Variants in RYR3 observed in about 807,000 individuals in gnomAD.
The protein encoded by RYR3 is brain ryanodine receptor-calcium release channel.
RYR3 carries 207 observed loss-of-function variants against 584.3 expected under a neutral mutation model. The observed-to-expected ratio is 0.35, with a 90% CI of 0.32 to 0.40. RYR3 has a LOEUF of 0.40. Ranked by LOEUF, RYR3 falls within the 10% of genes least tolerant of loss-of-function variation. The pLI, the probability that RYR3 is intolerant of heterozygous loss-of-function variation, is 1.00. For synonymous variants in RYR3, 2,416 were observed against 2,248.5 expected (o/e 1.07, Z -2.11); for missense variants, 5,616 against 6,089.2 (o/e 0.92, Z 2.59).
chr15:33,375,135 T>C (rs1452475006), intron 1 of RYR3, among the ~76,000 whole-genome samples: 1 of 152,176 alleles, frequency 6.6e-6, no homozygotes, highest in African/African-American at 2.4e-5. Flanking sequence ...TAAGGATAAA[T>C]TGCAAAATTT....
intron 51 of RYR3, among the ~76,000 whole-genome samples, chr15:33,741,774 C>T (rs1310664211): frequency 1.3e-5 from 2 of 152,026 alleles, no homozygotes; most frequent in African/African-American, 2.4e-5. Flanking sequence ...CCACTACGCC[C>T]GGCTAATTTT....
At chr15:33,745,976 C>T in intron 52 of RYR3, 92 bp from the exon 53 acceptor site, 2 of 831,116 alleles carry the variant, frequency 2.4e-6, no homozygotes. Flanking sequence ...TCCATTACTC[C>T]ACTTGCTCCA....
chr15:33,531,273 G>A (rs1456289655), intron 4 of RYR3, among the ~76,000 whole-genome samples: 1 of 151,954 alleles, frequency 6.6e-6, no homozygotes, highest in Non-Finnish European at 1.5e-5. Flanking sequence ...GAAGGATGAT[G>A]CCTCAATGTA....
intron 1 of RYR3, among the ~76,000 whole-genome samples, chr15:33,430,861 C>G (rs1418123577): frequency 6.6e-6 from 1 of 152,166 alleles, no homozygotes; most frequent in African/African-American, 2.4e-5. Flanking sequence ...TGAGAGATGT[C>G]TGGCAGGCCC....
chr15:33,811,346 A>C (rs914469758), intron 72 of RYR3, among the ~76,000 whole-genome samples: 4 of 152,074 alleles, frequency 2.6e-5, no homozygotes, highest in Non-Finnish European at 4.4e-5. Flanking sequence ...TGTACTAAAA[A>C]TACAAAAAGT....
intron 5 of RYR3, among the ~76,000 whole-genome samples, chr15:33,538,277 T>C (rs2055506193): frequency 6.6e-6 from 1 of 152,116 alleles, no homozygotes; most frequent in Non-Finnish European, 1.5e-5. Flanking sequence ...TGAGGCTTGT[T>C]GTCTGTTAAG....
At chr15:33,413,901 CTTAGTGGCTATT>C (rs1368386426) in intron 1 of RYR3, among the ~76,000 whole-genome samples, 1 of 152,152 alleles carries the variant, frequency 6.6e-6, no homozygotes, top group Non-Finnish European at 1.5e-5. Context: ...TGAAAAAGCT[CTTAGTGGCTATT>C]TTTGCAAAGT....
chr15:33,418,090 T>G (rs2043953530), intron 1 of RYR3, among the ~76,000 whole-genome samples: 1 of 152,170 alleles, frequency 6.6e-6, no homozygotes, highest in Admixed American at 6.5e-5. Context: ...TGTTAATGAT[T>G]TTTGTGTCTA....
At chr15:33,317,478 CAG>C (rs1968355489) in intron 1 of RYR3, among the ~76,000 whole-genome samples, 1 of 152,040 alleles carries the variant, frequency 6.6e-6, no homozygotes, top group Admixed American at 6.5e-5. Flanking sequence ...GTTTGGAAGT[CAG>C]GGGGGGTGTT....
In RYR3 at chr15:33,548,526, A is replaced by G. The variant is rs935405160; in HGVS notation, c.815+322A>G. Among the ~76,000 whole-genome samples, 9 of 152,350 alleles carry G rather than the reference A, an allele frequency of 5.9e-5. No individual in the cohort carries two copies. The South Asian group carries it at 1.7e-3, about 28-fold the overall frequency. ...CTTAAACAGGTTCTCTGGAACCCAG[A>G]TAAGTCTTCCGTCTCCTCTCAGTAG... is the stretch of plus-strand genomic sequence containing the variant. On this transcript the variant is annotated intron_variant, in intron 9 of 103. Transcript: ENST00000634891.
At chr15:33,532,769 T>A (rs2054994299) in intron 4 of RYR3, among the ~76,000 whole-genome samples, 1 of 152,208 alleles carries the variant, frequency 6.6e-6, no homozygotes, top group South Asian at 2.1e-4. Flanking sequence ...TTCTATACAT[T>A]TAACTACTGA....
intron 86 of RYR3, among the ~76,000 whole-genome samples, chr15:33,832,293 C>CAA (rs10674932): frequency 0.21 from 28,939 of 140,172 alleles, 3,091 homozygotes; most frequent in Middle Eastern, 0.35. Context: ...GACTCAGTCT[C>CAA]AAAAAAAAAA....
At chr15:33,320,320 A>G (rs1968789264) in intron 1 of RYR3, among the ~76,000 whole-genome samples, 1 of 152,240 alleles carries the variant, frequency 6.6e-6, no homozygotes, top group Non-Finnish European at 1.5e-5. Context: ...ATCAAAATGA[A>G]TTCAGATCTT....
rs971548386 is a variant in RYR3 at position 33,794,271 on chromosome 15, ATAGG to A, written c.9830+5816_9830+5819del. Among the ~76,000 whole-genome samples the A allele has an allele frequency of 3.2e-5, 4 of 123,480 alleles. 1 individual carries two copies. The highest frequency in any genetic ancestry group is 1.1e-4 in the African/African-American group (4 of 35,140). The allele number at this position is 123,480 out of a possible 152,430, so 81.0% of individuals were successfully genotyped here. On this transcript the variant is annotated intron_variant, in intron 67 of 103. Coordinates refer to ENST00000634891, the MANE Select transcript of RYR3 (RefSeq NM_001036.6). The stretch of plus-strand genomic sequence containing the variant: ...TGAAAATGAGTACAATTTCCCATAG[ATAGG>A]TAAGGAAAGAAAAGATTTTTTATAT...
Position 33,750,024 on chromosome 15 carries a change from A to G in RYR3, c.8245A>G (p.Lys2749Glu). 2.5e-6 allele frequency: 4 copies of G among 1,612,006 alleles called. No homozygotes were observed. Among genetic ancestry groups the G allele is most frequent in the Non-Finnish European group, 3.4e-6 (4 of 1,179,032 alleles). Residue 2749 changes from lysine to glutamate, a missense_variant, in exon 56 of 104, where the codon AAG becomes GAG. By Grantham distance (56) the Lys-to-Glu change is moderately conservative. This residue lies in a region of RYR3 where 1,280 missense variants were observed against 1,426.2 expected (regional missense o/e 0.90). Coordinates refer to ENST00000634891, the MANE Select transcript of RYR3 (RefSeq NM_001036.6). ...TGAGAACTATCACAATATCTGGGCCAAGAAGAAGAAGCTGGAGCTGGAGAG... is the reference window on the plus strand; with the variant it reads ...TGAGAACTATCACAATATCTGGGCCGAGAAGAAGAAGCTGGAGCTGGAGAG... ...VAENYHNIWA[K>E]KKKLELESKG...
intron 2 of RYR3, among the ~76,000 whole-genome samples, chr15:33,501,091 T>C (rs927371191): frequency 1.3e-5 from 2 of 151,544 alleles, no homozygotes; most frequent in African/African-American, 4.8e-5. Context: ...TAGTGGCAGG[T>C]ACAGTGCTCC....
At chr15:33,847,341 A>T (rs2078790773) in intron 93 of RYR3, 1 of 152,238 alleles carries the variant, frequency 6.6e-6, no homozygotes. Flanking sequence ...TTTGGACAAA[A>T]GCGATGTGGG....
intron 1 of RYR3, among the ~76,000 whole-genome samples, chr15:33,381,220 G>C (rs2041168053): frequency 6.6e-6 from 1 of 152,094 alleles, no homozygotes; most frequent in Non-Finnish European, 1.5e-5. Flanking sequence ...TAGAACATTG[G>C]AGAGAAAAGT....
chr15:33,728,729 A>G, intron 46 of RYR3, 128 bp from the exon 47 acceptor site: 1 of 832,128 alleles, frequency 1.2e-6, no homozygotes, highest in Non-Finnish European at 1.7e-6. Context: ...TGAGATGCTC[A>G]ATCTGTATTT....
Sources: allele counts gnomAD v4.1 joint callset (sites outside exome capture counted in the v4.1 genomes callset), GRCh38; gene constraint gnomAD v4.1.1; regional missense constraint gnomAD v4.1.1; transcripts MANE v1.5; gene names NCBI Gene and HGNC (gene_info 2026-07-23, HGNC 2026-07-21).